The following USP37 variants were observed in gnomAD, a reference collection of about 807,000 sequenced individuals.
USP37 encodes the protein ubiquitin carboxyl-terminal hydrolase 37.
A neutral mutation model predicts 124.0 loss-of-function variants in USP37; 27 were observed. That is an observed-to-expected ratio of 0.22 (90% CI 0.16 to 0.30). The LOEUF (loss-of-function observed/expected upper bound fraction) is 0.30. Among genes scored for constraint, USP37 ranks in the 10% least tolerant of loss-of-function variants. USP37 has a pLI of 1.00. For synonymous variants in USP37, 365 were observed against 388.0 expected (o/e 0.94, Z 0.70); for missense variants, 889 against 1,140.4 (o/e 0.78, Z 3.17).
At chr2:218,551,170 T>C (rs1005374562) in intron 5 of USP37, among the ~76,000 whole-genome samples, 2 of 152,206 alleles carry the variant, frequency 1.3e-5, no homozygotes, top group African/African-American at 4.8e-5. Context: ...TAGTCTTTTG[T>C]CCACTGATTT....
intron 10 of USP37, among the ~76,000 whole-genome samples, chr2:218,518,211 GATTTGAGTTTTTGTATTTTTC>G (rs1200069053): frequency 6.6e-6 from 1 of 152,052 alleles, no homozygotes; most frequent in Non-Finnish European, 1.5e-5. Flanking sequence ...ATCCAAAACA[GATTTGAGTTTTTGTATTTTTC>G]ATTTCTAGAT....
chr2:218,526,992 G>A (rs1691012470), intron 10 of USP37, among the ~76,000 whole-genome samples: 1 of 151,836 alleles, frequency 6.6e-6, no homozygotes, highest in African/African-American at 2.4e-5. Context: ...GTTTCACCGT[G>A]TTAGCCAGGA....
chr2:218,466,414 T>C (rs568253279), intron 20 of USP37, among the ~76,000 whole-genome samples: 1 of 152,248 alleles, frequency 6.6e-6, no homozygotes, highest in African/African-American at 2.4e-5. Context: ...CTGTGCATTG[T>C]AGAACGTTTA....
At chr2:218,519,410 G>C (rs569568074) in intron 10 of USP37, among the ~76,000 whole-genome samples, 1 of 152,148 alleles carries the variant, frequency 6.6e-6, no homozygotes, top group Non-Finnish European at 1.5e-5. Flanking sequence ...TATTCCCAGA[G>C]GGAACCCTTC....
chr2:218,512,812 T>C (rs1448356359), intron 10 of USP37, among the ~76,000 whole-genome samples: 1 of 152,216 alleles, frequency 6.6e-6, no homozygotes, highest in Non-Finnish European at 1.5e-5. Context: ...CATCTTTATA[T>C]TGTAGTTGTT....
intron 3 of USP37, among the ~76,000 whole-genome samples, chr2:218,559,001 T>TA (rs35129465): frequency 0.58 from 82,882 of 143,068 alleles, 23,676 homozygotes; most frequent in East Asian, 0.77. Context: ...AAATATAAGT[T>TA]AAAAAAAAAA....
chr2:218,544,424 TATATATAGAGAG>T (rs1235631587), intron 8 of USP37, among the ~76,000 whole-genome samples: 101 of 57,194 alleles, frequency 1.8e-3, no homozygotes, highest in Non-Finnish European at 2.5e-3. Context: ...TATATATATA[TATATATAGAGAG>T]AGAGAGAGAG....
chr2:218,484,481 G>T (rs995873296), intron 16 of USP37, among the ~76,000 whole-genome samples: 1 of 151,904 alleles, frequency 6.6e-6, no homozygotes, highest in Non-Finnish European at 1.5e-5. Flanking sequence ...AATTAGCCAG[G>T]TGTGGTGGCA....
At chr2:218,469,323 C>T (rs751188444) in intron 20 of USP37, among the ~76,000 whole-genome samples, 11 of 152,156 alleles carry the variant, frequency 7.2e-5, no homozygotes, top group Non-Finnish European at 1.3e-4. Flanking sequence ...CCCTGCCTGT[C>T]CCTCCTACCT....
In USP37 at chr2:218,450,722, T is replaced by C. The variant is rs1415983794; in HGVS notation, c.*4208A>G. On this transcript the variant is annotated 3_prime_UTR_variant, in exon 26 of 26. Coordinates refer to ENST00000258399, the MANE Select transcript of USP37 (RefSeq NM_020935.3). ...GTTCTTCTTTGTTCTGGCATCTGAC[T>C]GGACCAACCTGGAACCTGGTCCAGA... 6.6e-6 allele frequency: 1 copy of C among 152,246 alleles called. No homozygotes were observed. Among genetic ancestry groups the C allele is most frequent in the Non-Finnish European group, 1.5e-5 (1 of 68,048 alleles). 9.4% of individuals were successfully genotyped at this position (152,246 alleles called of 1,614,324 possible).
chr2:218,482,014 C>T, intron 17 of USP37, 56 bp downstream of exon 17: 1 of 1,515,774 alleles, frequency 6.6e-7, no homozygotes. Context: ...TGATTAGATA[C>T]TAAAGCCTTT....
At chr2:218,488,683 T>C (rs1691732704) in intron 14 of USP37, among the ~76,000 whole-genome samples, 1 of 152,186 alleles carries the variant, frequency 6.6e-6, no homozygotes, top group South Asian at 2.1e-4. Context: ...TCACCCAGGC[T>C]GGAGTACAAT....
rs1423767834 is a variant in USP37, at chr2:218,452,892, A to G, written c.*2038T>C. ...TCACCGCTTCACTCATTTATAAGAA[A>G]ACCAATTATTTCCAAGCAAAATCAA... On this transcript the variant is annotated 3_prime_UTR_variant, in exon 26 of 26. Transcript: ENST00000258399. The G allele has an allele frequency of 6.6e-6, 1 of 152,210 alleles. No individual in the cohort carries two copies. Among genetic ancestry groups the G allele is most frequent in the Admixed American group, 6.5e-5 (1 of 15,278 alleles). 9.4% of individuals were successfully genotyped at this position (152,210 alleles called of 1,614,324 possible). A position where few individuals can be genotyped will look rare whatever the true frequency, so the allele number is the denominator to read the frequency against.
At chr2:218,523,554 T>A (rs1690787182) in intron 10 of USP37, among the ~76,000 whole-genome samples, 1 of 152,098 alleles carries the variant, frequency 6.6e-6, no homozygotes, top group Admixed American at 6.5e-5. Context: ...AGAAACCTTA[T>A]AAAGCTGTTT....
Position 218,454,515 on chromosome 2 carries a change from C to T in USP37, c.*415G>A, listed in dbSNP as rs2106401489. 1 of 156,806 alleles carries T rather than the reference C, an allele frequency of 6.4e-6. No individual in the cohort carries two copies. Among genetic ancestry groups the T allele is most frequent in the African/African-American group, 2.4e-5 (1 of 41,696 alleles). The allele number at this position is 156,806 out of a possible 1,614,324, so 9.7% of individuals were successfully genotyped here. A position where few individuals can be genotyped will look rare whatever the true frequency, so the allele number is the denominator to read the frequency against. On this transcript the variant is annotated 3_prime_UTR_variant, in exon 26 of 26. Coordinates refer to ENST00000258399, the MANE Select transcript of USP37 (RefSeq NM_020935.3). The stretch of plus-strand genomic sequence containing the variant: ...CACACATTTCTCAGGTGAATGGACT[C>T]TTTGACACCTTCATTTCTTCTCCAA...
At chr2:218,547,149 A>C in intron 6 of USP37, 58 bp from the exon 7 acceptor site, 2 of 1,515,650 alleles carry the variant, frequency 1.3e-6, no homozygotes, top group Admixed American at 2.2e-5. Context: ...TACTTTTAGA[A>C]CAGTGATTCT....
At chr2:218,489,945 C>T (rs1225850924) in intron 14 of USP37, among the ~76,000 whole-genome samples, 3 of 152,152 alleles carry the variant, frequency 2.0e-5, no homozygotes, top group African/African-American at 4.8e-5. Flanking sequence ...ACTGCATTTT[C>T]GTTGTTGTAT....
intron 20 of USP37, among the ~76,000 whole-genome samples, chr2:218,467,617 G>A (rs963108848): frequency 1.3e-5 from 2 of 152,126 alleles, no homozygotes; most frequent in Non-Finnish European, 2.9e-5. Flanking sequence ...AAAGTGCTGG[G>A]ATTACAGGCG....
intron 20 of USP37, among the ~76,000 whole-genome samples, chr2:218,473,961 AC>A (rs1437535549): frequency 6.6e-6 from 1 of 152,232 alleles, no homozygotes; most frequent in Admixed American, 6.5e-5. Flanking sequence ...AAAGCATGTT[AC>A]TGTACTGAGT....
Sources: gnomAD v4.1 joint callset for allele counts (sites outside exome capture counted in the v4.1 genomes callset) on GRCh38, gnomAD v4.1.1 for gene constraint, MANE v1.5 for transcripts, NCBI Gene and HGNC (gene_info 2026-07-23, HGNC 2026-07-21) for gene names.